TANC2: variants seen among roughly 807,000 people sequenced by gnomAD.
The protein encoded by TANC2 is protein TANC2.
Under a neutral mutation model 210.5 loss-of-function variants are expected in TANC2, and 26 were observed. The observed-to-expected ratio is 0.12, with a 90% CI of 0.09 to 0.17. The LOEUF (loss-of-function observed/expected upper bound fraction) is 0.17, where lower values mean the gene tolerates loss of function less well. TANC2 is among the 10% of genes least tolerant of loss of function. The pLI is 1.00. For synonymous variants in TANC2, 931 were observed against 967.1 expected (o/e 0.96, Z 0.69); for missense variants, 2,129 against 2,608.9 (o/e 0.82, Z 4.01).
At chr17:63,060,531 G>A (rs911717164) in intron 2 of TANC2, among the ~76,000 whole-genome samples, 2 of 152,154 alleles carry the variant, frequency 1.3e-5, no homozygotes, top group African/African-American at 4.8e-5. Context: ...TGAGGCAGGA[G>A]AATCACTTGC....
chr17:63,098,199 A>G (rs144421528), intron 3 of TANC2, among the ~76,000 whole-genome samples: 1 of 152,256 alleles, frequency 6.6e-6, no homozygotes, highest in Non-Finnish European at 1.5e-5. Context: ...TTTGAGACCT[A>G]CGATGATATT....
intron 27 of TANC2, 151 bp from the exon 28 acceptor site, chr17:63,419,848 T>C (rs987091194): frequency 9.1e-6 from 8 of 875,178 alleles, no homozygotes; most frequent in Admixed American, 2.9e-5. Flanking sequence ...TCTTCCTGTT[T>C]CCTTCCCTAT....
intron 5 of TANC2, among the ~76,000 whole-genome samples, chr17:63,171,250 T>C (rs2040396983): frequency 6.6e-6 from 1 of 151,548 alleles, no homozygotes; most frequent in Admixed American, 6.6e-5. Flanking sequence ...ACCTGGCTAA[T>C]TTTTGTATTT....
chr17:63,000,306 A>C (rs2033315409), intron 1 of TANC2, among the ~76,000 whole-genome samples: 1 of 152,274 alleles, frequency 6.6e-6, no homozygotes, highest in Admixed American at 6.5e-5. Flanking sequence ...AGAAGTACTT[A>C]ATAGTTAATT....
intron 4 of TANC2, among the ~76,000 whole-genome samples, chr17:63,146,458 C>G (rs542077466): frequency 6.6e-6 from 1 of 152,278 alleles, no homozygotes; most frequent in African/African-American, 2.4e-5. Flanking sequence ...AAGTTATCTT[C>G]AGGTTAACTT....
chr17:63,089,014 A>G (rs975411039), intron 3 of TANC2: 2 of 152,164 alleles, frequency 1.3e-5, no homozygotes, highest in African/African-American at 4.8e-5. Flanking sequence ...CTCTGTTTGC[A>G]TCTCACTGAT....
At chr17:63,023,105 C>T (rs2034416328) in intron 2 of TANC2, among the ~76,000 whole-genome samples, 1 of 152,226 alleles carries the variant, frequency 6.6e-6, no homozygotes, top group South Asian at 2.1e-4. Flanking sequence ...AGGTTCCCTA[C>T]AAGGGCAATG....
At chr17:63,055,990 AATATATATATATATAT>A (rs57112801) in intron 2 of TANC2, among the ~76,000 whole-genome samples, 278 of 10,058 alleles carry the variant, frequency 0.028, 8 homozygotes, top group Middle Eastern at 0.1. Flanking sequence ...AAAAAAAAAA[AATATATATATATATAT>A]ATATATATAT....
intron 5 of TANC2, among the ~76,000 whole-genome samples, chr17:63,193,600 G>T (rs1334937566): frequency 6.6e-6 from 1 of 152,126 alleles, no homozygotes; most frequent in Non-Finnish European, 1.5e-5. Context: ...CCCATAAAAA[G>T]ATTTTTGTAA....
chr17:63,130,042 A>C (rs896916398), intron 4 of TANC2, among the ~76,000 whole-genome samples: 1 of 152,162 alleles, frequency 6.6e-6, no homozygotes, highest in Non-Finnish European at 1.5e-5. Context: ...CAATTAGATC[A>C]AAAAAATTAT....
chr17:63,255,105 T>A (rs374385261), intron 8 of TANC2, among the ~76,000 whole-genome samples: 12 of 135,418 alleles, frequency 8.9e-5, no homozygotes, highest in South Asian at 2.2e-4. Context: ...ATTTATTTAT[T>A]TTTATTTATT....
intron 8 of TANC2, among the ~76,000 whole-genome samples, chr17:63,264,538 T>A (rs997872100): frequency 1.3e-5 from 2 of 152,134 alleles, no homozygotes; most frequent in African/African-American, 4.8e-5. Context: ...TATCATTGTG[T>A]CTTGAATGTT....
chr17:63,417,413 C>T (rs527960238), intron 26 of TANC2, among the ~76,000 whole-genome samples: 2 of 152,166 alleles, frequency 1.3e-5, no homozygotes, highest in Admixed American at 6.5e-5. Flanking sequence ...GCCTAGTCGG[C>T]GTTGTTCCCC....
intron 9 of TANC2, among the ~76,000 whole-genome samples, chr17:63,308,576 G>T (rs2045005698): frequency 1.3e-5 from 2 of 151,960 alleles, no homozygotes; most frequent in African/African-American, 2.4e-5. Context: ...TATATTTTTT[G>T]ATTTTTAAAA....
intron 4 of TANC2, among the ~76,000 whole-genome samples, chr17:63,107,048 T>C (rs968518859): frequency 1.3e-5 from 2 of 151,636 alleles, no homozygotes; most frequent in Non-Finnish European, 2.9e-5. Flanking sequence ...TAACAAGTCA[T>C]TGATACTTTT....
At chr17:63,212,411 G>C (rs2145877116) in intron 7 of TANC2, among the ~76,000 whole-genome samples, 2 of 152,068 alleles carry the variant, frequency 1.3e-5, no homozygotes, top group South Asian at 4.1e-4. Context: ...CATAAAAATA[G>C]CTATAGAAAT....
intron 14 of TANC2, among the ~76,000 whole-genome samples, chr17:63,361,882 G>T (rs1022568802): frequency 2.6e-5 from 4 of 152,224 alleles, no homozygotes; most frequent in African/African-American, 7.2e-5. Context: ...TCCACAAGCA[G>T]GTCATCCCTG....
chr17:63,311,586 C>T (rs2045126554), intron 9 of TANC2, among the ~76,000 whole-genome samples: 1 of 152,072 alleles, frequency 6.6e-6, no homozygotes, highest in Non-Finnish European at 1.5e-5. Flanking sequence ...GGCAGTTTCT[C>T]AGAAAAGTGA....
chr17:63,048,959 A>C (rs377192937), intron 2 of TANC2, among the ~76,000 whole-genome samples: 18 of 152,306 alleles, frequency 1.2e-4, no homozygotes, highest in African/African-American at 4.3e-4. Context: ...ATAAAAGATA[A>C]GGAGAGTAAG....
Sources: allele counts gnomAD v4.1 joint callset (sites outside exome capture counted in the v4.1 genomes callset), GRCh38; gene constraint gnomAD v4.1.1; transcripts MANE v1.5; gene names NCBI Gene and HGNC (gene_info 2026-07-23, HGNC 2026-07-21).